VPS50: variants seen among roughly 807,000 people sequenced by gnomAD.
VPS50 encodes the protein syndetin.
VPS50 carries 70 observed loss-of-function variants against 139.7 expected under a neutral mutation model. The ratio of observed to expected loss-of-function variants is 0.50; its 90% CI spans 0.41 to 0.61. The LOEUF is 0.61. Among genes scored for constraint, VPS50 ranks in the 20% least tolerant of loss-of-function variants. VPS50 has a pLI of 0.00. For synonymous variants in VPS50, 365 were observed against 376.7 expected (o/e 0.97, Z 0.36); for missense variants, 921 against 1,133.7 (o/e 0.81, Z 2.69).
chr7:93,360,406 GGT>G lies in VPS50; in HGVS notation c.*1971_*1972del, dbSNP rs1491320862. 5 of 102,328 alleles carry G rather than the reference GGT, an allele frequency of 4.9e-5. No homozygotes were observed. Among genetic ancestry groups the G allele is most frequent in the African/African-American group, 1.2e-4 (3 of 24,740 alleles). The allele number at this position is 102,328 out of a possible 1,614,324, so 6.3% of individuals were successfully genotyped here. On this transcript the variant is annotated 3_prime_UTR_variant, in exon 28 of 28. Coordinates refer to ENST00000305866, the MANE Select transcript of VPS50 (RefSeq NM_017667.4). Reference sequence around the variant, plus strand: ...GATCTTTTTAATGCTTTTTGAAAAAGGTTTTTTTTTTTTTTTTTTTTCATTAA... The same window carrying G: ...GATCTTTTTAATGCTTTTTGAAAAAGTTTTTTTTTTTTTTTTTTTCATTAA...
At chr7:93,297,902 G>C (rs1240725937) in intron 16 of VPS50, among the ~76,000 whole-genome samples, 1 of 152,104 alleles carries the variant, frequency 6.6e-6, no homozygotes, top group Admixed American at 6.6e-5. Flanking sequence ...TATCCCTTTT[G>C]TCCTTTGAGT....
intron 24 of VPS50, 52 bp from the exon 25 acceptor site, chr7:93,349,823 A>G (rs575919650): frequency 4.9e-6 from 7 of 1,415,888 alleles, no homozygotes; most frequent in African/African-American, 1.4e-5. Flanking sequence ...TTCTTTATCA[A>G]TATGATACTT....
intron 2 of VPS50, among the ~76,000 whole-genome samples, chr7:93,240,217 GCA>G (rs371902647): frequency 0.12 from 16,639 of 142,026 alleles, 906 homozygotes; most frequent in Middle Eastern, 0.19. Context: ...ATATGTGTAT[GCA>G]CACACACACA....
rs140833573 is a variant in VPS50 at position 93,264,077 on chromosome 7, A to G, written c.659+4445A>G. ...TATCCGTGGATTTTGATGTCTATGG[A>G]GGGTCTCAGAATAATCCCCCACATA... On this transcript the variant is annotated intron_variant, in intron 9 of 27. Coordinates refer to ENST00000305866, the MANE Select transcript of VPS50 (RefSeq NM_017667.4). 3.0e-3 allele frequency among the ~76,000 whole-genome samples: 454 copies of G among 152,240 alleles called. 5 individuals carry two copies. The highest frequency in any genetic ancestry group is 0.026 in the East Asian group (135 of 5,184).
At chr7:93,261,353 GA>G (rs1795666708) in intron 9 of VPS50, among the ~76,000 whole-genome samples, 1 of 152,122 alleles carries the variant, frequency 6.6e-6, no homozygotes, top group Non-Finnish European at 1.5e-5. Context: ...AATCTATCAA[GA>G]AGGACTTATA....
intron 2 of VPS50, among the ~76,000 whole-genome samples, chr7:93,244,992 G>A (rs2116794085): frequency 6.6e-6 from 1 of 151,922 alleles, no homozygotes; most frequent in East Asian, 1.9e-4. Flanking sequence ...AAACACTTAT[G>A]GAACCAGGCA....
rs773754909 is a variant in VPS50 at position 93,272,733 on chromosome 7, G to T, written c.801G>T (p.Gln267His). 7.1e-7 allele frequency: 1 copy of T among 1,399,174 alleles called. No homozygotes were observed. The highest frequency in any genetic ancestry group is 9.9e-7 in the Non-Finnish European group (1 of 1,006,262). 86.7% of individuals were successfully genotyped at this position (1,399,174 alleles called of 1,614,324 possible). Residue 267 changes from glutamine (Q) to histidine (H), a missense_variant and splice_region_variant, in exon 11 of 28, where the codon CAG becomes CAT. Transcript: ENST00000305866. ...CTTATCGACTTCTTGGAAAAACACA[G>T]GTTTGTTACAAAAGGATGTTTGGAT... ...QQAYRLLGKT[Q>H]TAMDQLHMHF...
chr7:93,291,084 A>C (rs1165626983), intron 12 of VPS50, among the ~76,000 whole-genome samples: 1 of 152,118 alleles, frequency 6.6e-6, no homozygotes. Flanking sequence ...AAAAGGGCAG[A>C]ATGGCAAATT....
At chr7:93,241,987 G>T (rs978908704) in intron 2 of VPS50, among the ~76,000 whole-genome samples, 4 of 151,796 alleles carry the variant, frequency 2.6e-5, no homozygotes, top group Non-Finnish European at 5.9e-5. Context: ...AATGGAAAAT[G>T]TTAATTCAAA....
intron 2 of VPS50, among the ~76,000 whole-genome samples, chr7:93,252,071 T>C (rs1795351788): frequency 6.6e-6 from 1 of 152,236 alleles, no homozygotes; most frequent in Admixed American, 6.5e-5. Flanking sequence ...TAGAGAAGTT[T>C]AGCTTCATAA....
chr7:93,269,059 CAG>C (rs1384772761), intron 9 of VPS50, among the ~76,000 whole-genome samples: 3 of 152,058 alleles, frequency 2.0e-5, no homozygotes, highest in Non-Finnish European at 4.4e-5. Context: ...TGAATTGAGA[CAG>C]AGAACATGGG....
chr7:93,249,270 G>A (rs374717238), intron 2 of VPS50, among the ~76,000 whole-genome samples: 4 of 151,608 alleles, frequency 2.6e-5, no homozygotes, highest in African/African-American at 7.3e-5. Context: ...TAATAACTTC[G>A]GATATTTGTT....
chr7:93,234,986 A>T lies in VPS50; in HGVS notation c.33+2486A>T, dbSNP rs148583840. Among the ~76,000 whole-genome samples the T allele has an allele frequency of 2.9e-3, 449 of 152,288 alleles. 4 individuals are homozygous for T. The highest frequency in any genetic ancestry group is 0.01 in the African/African-American group (422 of 41,562). Reference sequence around the variant, plus strand: ...TGTTAAGGCAGACACGGTGATAAACACTGTAGAGGAAAAGAGGATAGAAAG... The same window carrying T: ...TGTTAAGGCAGACACGGTGATAAACTCTGTAGAGGAAAAGAGGATAGAAAG... On this transcript the variant is annotated intron_variant, in intron 1 of 27. Coordinates refer to ENST00000305866, the MANE Select transcript of VPS50 (RefSeq NM_017667.4).
In VPS50 at chr7:93,270,539, C is replaced by T. The variant is rs1007833203; in HGVS notation, c.660-681C>T. On this transcript the variant is annotated intron_variant, in intron 9 of 27. Coordinates refer to ENST00000305866, the MANE Select transcript of VPS50 (RefSeq NM_017667.4). ...ACAATTGTGTTGCCTCAGGTTTTTG[C>T]CTATTAAAAATAATGCTGCAAGGAT... Among the ~76,000 whole-genome samples the T allele has an allele frequency of 5.3e-5, 8 of 151,848 alleles. No homozygotes were observed. In the South Asian group the frequency reaches 1.7e-3, roughly 32 times the overall value.
intron 23 of VPS50, among the ~76,000 whole-genome samples, chr7:93,342,195 C>T (rs935734604): frequency 1.3e-5 from 2 of 152,184 alleles, no homozygotes; most frequent in African/African-American, 4.8e-5. Context: ...GTTCCCTTTC[C>T]TAGTCAAAGA....
chr7:93,252,799 T>A (rs763320783), intron 3 of VPS50, 24 bp downstream of exon 3: 1 of 1,558,708 alleles, frequency 6.4e-7, no homozygotes, highest in South Asian at 1.2e-5. Flanking sequence ...CATTAAAACA[T>A]AACTAAGGCC....
intron 26 of VPS50, among the ~76,000 whole-genome samples, chr7:93,355,379 T>G (rs1798677499): frequency 6.6e-6 from 1 of 152,180 alleles, no homozygotes; most frequent in African/African-American, 2.4e-5. Flanking sequence ...AAGCTTTTTA[T>G]CATGAAAAAT....
intron 9 of VPS50, among the ~76,000 whole-genome samples, chr7:93,267,288 A>G (rs1384880197): frequency 5.3e-5 from 8 of 152,150 alleles, no homozygotes; most frequent in African/African-American, 1.7e-4. Context: ...TGAACTCCAT[A>G]TGATAGAGGA....
chr7:93,347,962 A>G (rs1798449961), intron 23 of VPS50, among the ~76,000 whole-genome samples: 2 of 152,124 alleles, frequency 1.3e-5, no homozygotes, highest in East Asian at 1.9e-4. Context: ...TGTACCCTAA[A>G]AAAGTATTAT....
Sources: gnomAD v4.1 joint callset for allele counts (sites outside exome capture counted in the v4.1 genomes callset) on GRCh38, gnomAD v4.1.1 for gene constraint, MANE v1.5 for transcripts, NCBI Gene and HGNC (gene_info 2026-07-23, HGNC 2026-07-21) for gene names.